Variants in PTK2 observed in about 807,000 individuals in gnomAD.
PTK2 encodes protein tyrosine kinase 2.
PTK2 carries 45 observed loss-of-function variants against 150.1 expected under a neutral mutation model. The observed-to-expected ratio is 0.30, with a 90% CI of 0.24 to 0.38. PTK2 has a LOEUF of 0.38. Among genes scored for constraint, PTK2 ranks in the 10% least tolerant of loss-of-function variants. PTK2 has a pLI of 1.00. For synonymous variants in PTK2, 432 were observed against 449.2 expected (o/e 0.96, Z 0.48); for missense variants, 919 against 1,307.3 (o/e 0.70, Z 4.58).
At chr8:140,838,498 T>C (rs1598050601) in intron 7 of PTK2, among the ~76,000 whole-genome samples, 2 of 152,312 alleles carry the variant, frequency 1.3e-5, no homozygotes, top group South Asian at 2.1e-4. Flanking sequence ...ATCTTTATTA[T>C]ATAAAATGTA....
At chr8:140,786,099 C>T (rs1185178701) in intron 14 of PTK2, among the ~76,000 whole-genome samples, 1 of 152,184 alleles carries the variant, frequency 6.6e-6, no homozygotes, top group Non-Finnish European at 1.5e-5. Context: ...CAGCACGCTG[C>T]AGGCACTCAA....
intron 13 of PTK2, among the ~76,000 whole-genome samples, chr8:140,792,746 G>C (rs965125427): frequency 6.6e-6 from 1 of 152,184 alleles, no homozygotes; most frequent in Non-Finnish European, 1.5e-5. Context: ...GGCCTCTTAG[G>C]CTCACTGTTC....
intron 2 of PTK2, among the ~76,000 whole-genome samples, chr8:140,917,338 C>T (rs2100165673): frequency 6.6e-6 from 1 of 151,230 alleles, no homozygotes; most frequent in East Asian, 2.0e-4. Flanking sequence ...CAAGACTCTG[C>T]CAGGAAAGGA....
intron 31 of PTK2, chr8:140,660,657 C>T (rs2078277981): frequency 2.2e-6 from 1 of 455,132 alleles, no homozygotes; most frequent in Non-Finnish European, 4.4e-6. Context: ...GCCTGGAAGA[C>T]AGAGGTTGTA....
Position 140,699,602 on chromosome 8 carries a change from T to A in PTK2, c.2499+1289A>T, listed in dbSNP as rs1226181639. Among the ~76,000 whole-genome samples, 3 of 152,232 alleles carry A rather than the reference T, an allele frequency of 2.0e-5. No homozygotes were observed. The East Asian group carries it at 5.8e-4, about 29-fold the overall frequency. ...AAATGCCAGGAAGGCAAATCTTAGC[T>A]GTCTTGTTATACAGCCTGCAGTAGC... On this transcript the variant is annotated intron_variant, in intron 26 of 31. Coordinates refer to ENST00000522684, the Ensembl canonical transcript of PTK2.
chr8:140,873,569 G>A (rs1319858787), intron 4 of PTK2, among the ~76,000 whole-genome samples: 3 of 152,084 alleles, frequency 2.0e-5, no homozygotes, highest in Admixed American at 6.5e-5. Context: ...AGGTTCAAGC[G>A]ATTCTCCTGC....
intron 7 of PTK2, among the ~76,000 whole-genome samples, chr8:140,839,596 A>C (rs2100121058): frequency 6.6e-6 from 1 of 152,238 alleles, no homozygotes; most frequent in Non-Finnish European, 1.5e-5. Flanking sequence ...GGTAGAATGA[A>C]AAAAACAATG....
intron 2 of PTK2, among the ~76,000 whole-genome samples, chr8:140,901,320 G>T (rs1428547624): frequency 6.6e-6 from 1 of 152,116 alleles, no homozygotes; most frequent in Non-Finnish European, 1.5e-5. Flanking sequence ...TGGAATTACT[G>T]TAAGAAAATA....
chr8:140,954,155 T>C (rs2154609186), intron 1 of PTK2, among the ~76,000 whole-genome samples: 2 of 152,252 alleles, frequency 1.3e-5, no homozygotes, highest in Middle Eastern at 6.8e-3. Context: ...AATTTTTGTC[T>C]GTTTAGCAGA....
At chr8:140,862,125 G>A (rs1240562411) in intron 5 of PTK2, among the ~76,000 whole-genome samples, 1 of 152,126 alleles carries the variant, frequency 6.6e-6, no homozygotes. Flanking sequence ...GAACAAAAAA[G>A]TTGCAGACTT....
rs139190544 is a variant in PTK2 at position 140,847,466 on chromosome 8, G to A, written c.451-788C>T. The stretch of plus-strand genomic sequence containing the variant: ...GAACACATTTTCAAAGACGAAATGT[G>A]TACAATTTCCTTGTAGATTAGCCTG... On this transcript the variant is annotated intron_variant, in intron 5 of 31. Coordinates refer to ENST00000522684, the Ensembl canonical transcript of PTK2. 3.3e-5 allele frequency among the ~76,000 whole-genome samples: 5 copies of A among 152,276 alleles called. No individual in the cohort carries two copies. In the East Asian group the frequency reaches 9.6e-4, roughly 29 times the overall value.
At chr8:140,879,676 G>GAAAAAAAAAAAAAAAAAACAA (rs2100147789) in intron 3 of PTK2, 39 bp from the exon 4 acceptor site, 1 of 31,602 alleles carries the variant, frequency 3.2e-5, no homozygotes, top group African/African-American at 2.4e-4. Flanking sequence ...GTTATAAACT[G>GAAAAAAAAAAAAAAAAAACAA]AAAAAAAAAA....
At chr8:140,818,962 C>G (rs1184087334) in exon 9 of PTK2, 1 of 1,613,462 alleles carries the variant, frequency 6.2e-7, no homozygotes, top group Admixed American at 1.7e-5. Context: ...ACTTTCTTCT[C>G]TATTAAGGTT....
chr8:140,767,359 A>G (rs2100072901), intron 14 of PTK2, among the ~76,000 whole-genome samples: 1 of 152,012 alleles, frequency 6.6e-6, no homozygotes, highest in Non-Finnish European at 1.5e-5. Flanking sequence ...TGTGTGTACT[A>G]TGATGCAATG....
chr8:140,890,912 T>A, intron 2 of PTK2, 143 bp from the exon 3 acceptor site: 1 of 668,926 alleles, frequency 1.5e-6, no homozygotes, highest in Non-Finnish European at 2.5e-6. Flanking sequence ...AGAGACCTAA[T>A]CCACTAAAAT....
chr8:140,951,564 G>A (rs2100179558), intron 1 of PTK2, among the ~76,000 whole-genome samples: 1 of 152,174 alleles, frequency 6.6e-6, no homozygotes, highest in Admixed American at 6.5e-5. Context: ...AAACCAAGAT[G>A]GGTAGATTTT....
intron 29 of PTK2, 75 bp downstream of exon 33, chr8:140,669,652 A>T: frequency 6.7e-7 from 1 of 1,483,004 alleles, no homozygotes; most frequent in Non-Finnish European, 9.1e-7. Context: ...CCTGCTTTCC[A>T]GTCCAAAGTT....
chr8:140,996,058 G>A (rs2100197627), intron 1 of PTK2, among the ~76,000 whole-genome samples: 1 of 152,010 alleles, frequency 6.6e-6, no homozygotes, highest in South Asian at 2.1e-4. Flanking sequence ...GGGTGACAGA[G>A]TGAGACTGTG....
At chr8:140,855,692 G>C (rs1479717295) in intron 5 of PTK2, among the ~76,000 whole-genome samples, 1 of 152,092 alleles carries the variant, frequency 6.6e-6, no homozygotes, top group Admixed American at 6.6e-5. Flanking sequence ...CATGACAAAG[G>C]ACTAGTATAC....
Sources: gnomAD v4.1 joint callset for allele counts (sites outside exome capture counted in the v4.1 genomes callset) on GRCh38, gnomAD v4.1.1 for gene constraint, MANE v1.5 for transcripts, NCBI Gene and HGNC (gene_info 2026-07-23, HGNC 2026-07-21) for gene names.